Variants in FUT9 observed in about 807,000 individuals in gnomAD.
FUT9 encodes the protein 4-galactosyl-N-acetylglucosaminide 3-alpha-L-fucosyltransferase 9.
FUT9 carries 15 observed loss-of-function variants against 29.7 expected under a neutral mutation model. The observed-to-expected ratio is 0.51, with a 90% CI of 0.34 to 0.78. FUT9 has a LOEUF of 0.78. FUT9 is among the 30% of genes least tolerant of loss of function. The pLI, the probability that FUT9 is intolerant of heterozygous loss-of-function variation, is 0.01. For synonymous variants in FUT9, 169 were observed against 153.7 expected (o/e 1.10, Z -0.74); for missense variants, 319 against 425.4 (o/e 0.75, Z 2.20).
At chr6:96,124,412 A>G (rs546086947) in intron 2 of FUT9, among the ~76,000 whole-genome samples, 34 of 152,166 alleles carry the variant, frequency 2.2e-4, no homozygotes, top group African/African-American at 7.9e-4. Flanking sequence ...GGCCTCCCAA[A>G]GTGCTGGGAT....
At chr6:96,131,919 T>C (rs781126139) in intron 2 of FUT9, among the ~76,000 whole-genome samples, 6 of 152,020 alleles carry the variant, frequency 3.9e-5, no homozygotes, top group Non-Finnish European at 7.4e-5. Context: ...ATTACAAGAG[T>C]TATTTTTCCT....
chr6:96,155,250 T>A (rs1443415310), intron 2 of FUT9, among the ~76,000 whole-genome samples: 1 of 152,174 alleles, frequency 6.6e-6, no homozygotes, highest in East Asian at 1.9e-4. Context: ...ACGCTCAGTG[T>A]CAAAAGATTT....
At position 96,053,641 on chromosome 6, in the gene FUT9, G is replaced by A. The variant is rs183489863; in HGVS notation, c.-98+37429G>A. On this transcript the variant is annotated intron_variant, in intron 1 of 2. Transcript: ENST00000302103. ...GGAGAATGGTGTGAACCCGGGAGGC[G>A]TAGTTTGCAGTGAGCCGAGATCGCA... 5.6e-3 allele frequency among the ~76,000 whole-genome samples: 847 copies of A among 152,158 alleles called. 5 individuals are homozygous for A. The highest frequency in any genetic ancestry group is 0.019 in the African/African-American group (796 of 41,498).
At chr6:96,134,135 T>C (rs1460470159) in intron 2 of FUT9, among the ~76,000 whole-genome samples, 1 of 151,810 alleles carries the variant, frequency 6.6e-6, no homozygotes, top group Non-Finnish European at 1.5e-5. Flanking sequence ...AAAATAGTTT[T>C]CTGTTGTAGA....
intron 1 of FUT9, among the ~76,000 whole-genome samples, chr6:96,063,217 T>C (rs1570773): frequency 0.56 from 85,008 of 151,926 alleles, 23,940 homozygotes; most frequent in South Asian, 0.64. Flanking sequence ...TATTAGGCCA[T>C]TCTTGCCTTG....
intron 2 of FUT9, among the ~76,000 whole-genome samples, chr6:96,187,246 G>C (rs1773421788): frequency 6.6e-6 from 1 of 152,192 alleles, no homozygotes; most frequent in African/African-American, 2.4e-5. Flanking sequence ...TTCTGGAAGA[G>C]ATGCTGTGAG....
At position 96,209,645 on chromosome 6, in the gene FUT9, A is replaced by T. The variant is rs534716319; in HGVS notation, c.*5410A>T. 2 of 167,006 alleles carry T rather than the reference A, an allele frequency of 1.2e-5. No homozygotes were observed. Among genetic ancestry groups the T allele is most frequent in the South Asian group, 4.1e-4 (2 of 4,826 alleles). 10.3% of individuals were successfully genotyped at this position (167,006 alleles called of 1,614,324 possible). On this transcript the variant is annotated 3_prime_UTR_variant, in exon 3 of 3. Coordinates refer to ENST00000302103, the MANE Select transcript of FUT9 (RefSeq NM_006581.4). The stretch of plus-strand genomic sequence containing the variant: ...AATAGCATAATTTTAAGTAAGCTAG[A>T]TTGAGTTCATTTGAACATTTAGTTA...
intron 1 of FUT9, among the ~76,000 whole-genome samples, chr6:96,067,222 A>G (rs2127946237): frequency 6.6e-6 from 1 of 150,964 alleles, no homozygotes; most frequent in East Asian, 1.9e-4. Context: ...ATATATACAT[A>G]TATGTTGTAT....
intron 1 of FUT9, among the ~76,000 whole-genome samples, chr6:96,025,787 G>T (rs535875955): frequency 6.6e-6 from 1 of 151,690 alleles, no homozygotes; most frequent in African/African-American, 2.4e-5. Flanking sequence ...ATCTCTGAAG[G>T]GTCTGAGATT....
At chr6:96,055,731 G>A (rs1318622081) in intron 1 of FUT9, among the ~76,000 whole-genome samples, 2 of 143,312 alleles carry the variant, frequency 1.4e-5, no homozygotes, top group African/African-American at 5.2e-5. Context: ...TTTTCCTAGA[G>A]ATAGGGTTCT....
chr6:96,104,839 T>C lies in FUT9; in HGVS notation c.-97-9200T>C, dbSNP rs1202905022. Among the ~76,000 whole-genome samples the C allele has an allele frequency of 2.0e-5, 3 of 152,190 alleles. 1 individual carries two copies. The highest frequency in any genetic ancestry group is 4.4e-5 in the Non-Finnish European group (3 of 68,038). ...GCCACCGCGCCTGGCCACACAAGTG[T>C]AAATTATTTTGTGTAGTTTTCTACA... is the stretch of plus-strand genomic sequence containing the variant. On this transcript the variant is annotated intron_variant, in intron 1 of 2. Coordinates refer to ENST00000302103, the MANE Select transcript of FUT9 (RefSeq NM_006581.4).
chr6:96,130,850 C>T (rs188062433), intron 2 of FUT9, among the ~76,000 whole-genome samples: 2 of 152,274 alleles, frequency 1.3e-5, no homozygotes, highest in East Asian at 1.9e-4. Context: ...TTTACTGTGG[C>T]AGTGCAAACT....
chr6:96,045,040 G>A (rs1258997531), intron 1 of FUT9, among the ~76,000 whole-genome samples: 1 of 152,140 alleles, frequency 6.6e-6, no homozygotes, highest in Non-Finnish European at 1.5e-5. Context: ...CAGTGAAAGG[G>A]GTGGAGATTG....
chr6:96,136,046 A>C (rs1439571058), intron 2 of FUT9, among the ~76,000 whole-genome samples: 1 of 151,488 alleles, frequency 6.6e-6, no homozygotes, highest in East Asian at 1.9e-4. Context: ...AGCAAGATCA[A>C]AAGGAAATCA....
At chr6:96,193,075 T>C (rs1405190602) in intron 2 of FUT9, among the ~76,000 whole-genome samples, 3 of 150,724 alleles carry the variant, frequency 2.0e-5, no homozygotes, top group Non-Finnish European at 3.0e-5. Flanking sequence ...AAGACTTAAA[T>C]GTTAGACCTA....
intron 1 of FUT9, among the ~76,000 whole-genome samples, chr6:96,031,456 G>C (rs1770259599): frequency 6.6e-6 from 1 of 151,408 alleles, no homozygotes; most frequent in African/African-American, 2.4e-5. Context: ...ATTGTAGTCA[G>C]ACTAGTAAAC....
At chr6:96,106,599 T>C (rs1390109079) in intron 1 of FUT9, among the ~76,000 whole-genome samples, 1 of 152,170 alleles carries the variant, frequency 6.6e-6, no homozygotes, top group Admixed American at 6.5e-5. Flanking sequence ...TTTTAACATG[T>C]AAGATGAGGA....
intron 1 of FUT9, among the ~76,000 whole-genome samples, chr6:96,036,193 GA>G (rs1315631427): frequency 2.7e-5 from 4 of 149,268 alleles, no homozygotes; most frequent in Non-Finnish European, 5.9e-5. Context: ...TTATACTTCA[GA>G]ATCGAGATTC....
At chr6:96,129,264 CAAAAAAAAA>C (rs869216525) in intron 2 of FUT9, among the ~76,000 whole-genome samples, 1 of 13,316 alleles carries the variant, frequency 7.5e-5, no homozygotes, top group Non-Finnish European at 1.3e-4. Flanking sequence ...GACTCTGTCT[CAAAAAAAAA>C]AAAAAAAAAA....
Sources: allele counts gnomAD v4.1 joint callset (sites outside exome capture counted in the v4.1 genomes callset), GRCh38; gene constraint gnomAD v4.1.1; transcripts MANE v1.5; gene names NCBI Gene and HGNC (gene_info 2026-07-23, HGNC 2026-07-21).